PRKN: variants seen among roughly 807,000 people sequenced by gnomAD.
PRKN encodes the protein E3 ubiquitin-protein ligase parkin.
PRKN carries 56 observed loss-of-function variants against 59.5 expected under a neutral mutation model. The observed-to-expected ratio is 0.94, with a 90% CI of 0.76 to 1.18. PRKN has a LOEUF of 1.18. PRKN is among the 50% of genes most tolerant of loss of function. The pLI is 0.00. For missense variants in PRKN, 657 were observed against 596.4 expected (o/e 1.10, Z -1.06); for synonymous variants, 250 against 222.1 (o/e 1.13, Z -1.12).
At chr6:161,631,957 TA>T (rs2128155002) in intron 7 of PRKN, among the ~76,000 whole-genome samples, 1 of 152,346 alleles carries the variant, frequency 6.6e-6, no homozygotes. Flanking sequence ...AAAAAATGTG[TA>T]AGTCGTTAAC....
intron 2 of PRKN, among the ~76,000 whole-genome samples, chr6:162,278,564 C>G (rs1780737370): frequency 6.6e-6 from 1 of 151,986 alleles, no homozygotes; most frequent in East Asian, 1.9e-4. Flanking sequence ...AAATACCTTC[C>G]TCTCTATGAT....
chr6:162,119,956 G>A (rs947969809), intron 4 of PRKN, among the ~76,000 whole-genome samples: 4 of 152,182 alleles, frequency 2.6e-5, no homozygotes, highest in African/African-American at 9.7e-5. Flanking sequence ...TAAGAGGGGA[G>A]AAAGTTATCA....
At chr6:162,182,157 G>A (rs1396204135) in intron 4 of PRKN, among the ~76,000 whole-genome samples, 1 of 152,116 alleles carries the variant, frequency 6.6e-6, no homozygotes, top group Non-Finnish European at 1.5e-5. Flanking sequence ...AGGGGTTGGA[G>A]CTGTTATTTG....
At chr6:162,421,568 A>G (rs184146616) in intron 2 of PRKN, among the ~76,000 whole-genome samples, 79 of 152,310 alleles carry the variant, frequency 5.2e-4, no homozygotes, top group Non-Finnish European at 7.6e-4. Flanking sequence ...CACCTTCTCA[A>G]TGAGTCCATC....
intron 1 of PRKN, 131 bp from the exon 2 acceptor site, chr6:162,443,604 T>TA: frequency 1.2e-6 from 1 of 858,524 alleles, no homozygotes; most frequent in South Asian, 1.4e-5. Context: ...TTCTTTCACT[T>TA]ACAACAAAAA....
At chr6:162,193,230 A>G (rs9364639) in intron 4 of PRKN, among the ~76,000 whole-genome samples, 1 of 152,346 alleles carries the variant, frequency 6.6e-6, no homozygotes, top group East Asian at 1.9e-4. Context: ...TAAAATCTTA[A>G]TTCTAAAATA....
intron 4 of PRKN, among the ~76,000 whole-genome samples, chr6:162,127,666 T>C (rs546419153): frequency 2.0e-5 from 3 of 152,284 alleles, no homozygotes; most frequent in South Asian, 4.1e-4. Flanking sequence ...CTTCAAAACT[T>C]TTCCTAGAAA....
In PRKN at chr6:162,298,074, C is replaced by A. The variant is rs565345557; in HGVS notation, c.172-35309G>T. Among the ~76,000 whole-genome samples the A allele has an allele frequency of 8.9e-4, 136 of 152,250 alleles. 2 individuals are homozygous for A. The highest frequency in any genetic ancestry group is 2.7e-3 in the African/African-American group (114 of 41,554). ...TGTTCTGTGCCCTCAGAGGTTGACA[C>A]CCACAGGCCAAATCACTTGGGCTCC... On this transcript the variant is annotated intron_variant, in intron 2 of 11. Transcript: ENST00000366898.
rs1263484808 is a variant in PRKN at position 162,010,273 on chromosome 6, T to C, written c.619-36856A>G. On this transcript the variant is annotated intron_variant, in intron 5 of 11. Coordinates refer to ENST00000366898, the MANE Select transcript of PRKN (RefSeq NM_004562.3). The stretch of plus-strand genomic sequence containing the variant: ...TACATAATATATATTTTATATATAT[T>C]ATGTATGATAAATATATTTTATATA... 5.5e-5 allele frequency among the ~76,000 whole-genome samples: 7 copies of C among 127,118 alleles called. No homozygotes were observed. In the South Asian group the frequency reaches 1.6e-3, roughly 30 times the overall value. The allele number at this position is 127,118 out of a possible 152,430, so 83.4% of individuals were successfully genotyped here. A position where few individuals can be genotyped will look rare whatever the true frequency, so the allele number is the denominator to read the frequency against.
At chr6:161,701,259 T>C (rs940890779) in intron 7 of PRKN, among the ~76,000 whole-genome samples, 1 of 152,216 alleles carries the variant, frequency 6.6e-6, no homozygotes, top group African/African-American at 2.4e-5. Flanking sequence ...AGAGATGATA[T>C]GCCTTTCAAT....
At chr6:161,993,366 T>C (rs2128259358) in intron 5 of PRKN, among the ~76,000 whole-genome samples, 1 of 152,122 alleles carries the variant, frequency 6.6e-6, no homozygotes, top group Non-Finnish European at 1.5e-5. Context: ...TATATAAACC[T>C]TGGACACATA....
chr6:162,516,106 T>C (rs1777843255), intron 1 of PRKN, among the ~76,000 whole-genome samples: 1 of 152,222 alleles, frequency 6.6e-6, no homozygotes, highest in African/African-American at 2.4e-5. Flanking sequence ...GTTCCGTCTT[T>C]GCACTGCATG....
intron 7 of PRKN, among the ~76,000 whole-genome samples, chr6:161,777,757 G>GTATATATGTA (rs1554304259): frequency 1.5e-5 from 2 of 135,260 alleles, no homozygotes; most frequent in African/African-American, 5.8e-5. Context: ...AGATATATAT[G>GTATATATGTA]TATATGTATA....
At chr6:162,275,539 C>G (rs575867829) in intron 2 of PRKN, among the ~76,000 whole-genome samples, 1 of 152,274 alleles carries the variant, frequency 6.6e-6, no homozygotes, top group Admixed American at 6.5e-5. Context: ...AATCCCAGCA[C>G]TTTGAGAGGC....
At chr6:162,453,552 T>C (rs1420854290) in intron 1 of PRKN, among the ~76,000 whole-genome samples, 3 of 152,108 alleles carry the variant, frequency 2.0e-5, no homozygotes, top group Non-Finnish European at 4.4e-5. Context: ...TAACCAACTA[T>C]GTAAGCATGT....
At chr6:162,606,147 C>T (rs945226167) in intron 1 of PRKN, among the ~76,000 whole-genome samples, 3 of 152,184 alleles carry the variant, frequency 2.0e-5, no homozygotes, top group African/African-American at 7.2e-5. Context: ...CGTAGATTAA[C>T]CACTCTATCA....
At chr6:162,479,990 G>A (rs868824017) in intron 1 of PRKN, among the ~76,000 whole-genome samples, 11 of 152,034 alleles carry the variant, frequency 7.2e-5, no homozygotes, top group Middle Eastern at 3.4e-3. Context: ...GCTTAAACCC[G>A]GGAGGTGGAG....
chr6:162,206,364 C>T (rs964303728), intron 3 of PRKN, among the ~76,000 whole-genome samples: 13 of 152,162 alleles, frequency 8.5e-5, no homozygotes, highest in African/African-American at 3.1e-4. Flanking sequence ...CCTCTTCGAA[C>T]AGCTGGCTTG....
chr6:162,070,148 C>T (rs1778514342), intron 4 of PRKN, among the ~76,000 whole-genome samples: 1 of 152,234 alleles, frequency 6.6e-6, no homozygotes, highest in East Asian at 1.9e-4. Flanking sequence ...TCATGTGTAA[C>T]TGCAGAACTG....
Sources: allele counts gnomAD v4.1 joint callset (sites outside exome capture counted in the v4.1 genomes callset), GRCh38; gene constraint gnomAD v4.1.1; transcripts MANE v1.5; gene names NCBI Gene and HGNC (gene_info 2026-07-23, HGNC 2026-07-21).